The following ADGRF1 variants were observed in gnomAD, a reference collection of about 807,000 sequenced individuals.
ADGRF1 encodes the protein G protein-coupled receptor 110.
In ADGRF1, 85 loss-of-function variants were observed where a neutral mutation model predicts 87.2. The ratio of observed to expected loss-of-function variants is 0.97; its 90% CI spans 0.82 to 1.17. The LOEUF is 1.17. Among genes scored for constraint, ADGRF1 ranks in the 50% most tolerant of loss-of-function variants. The probability of loss-of-function intolerance (pLI) is 0.00; values close to 1 mark genes in which losing one functional copy is unlikely to be tolerated. For synonymous variants in ADGRF1, 430 were observed against 408.8 expected (o/e 1.05, Z -0.63); for missense variants, 1,169 against 1,077.2 (o/e 1.09, Z -1.19).
intron 9 of ADGRF1, chr6:47,013,390 A>T: frequency 1.0e-6 from 1 of 985,446 alleles, no homozygotes; most frequent in Non-Finnish European, 1.2e-6. Flanking sequence ...ACTGAGATCC[A>T]CAAAGGGAGA....
intron 7 of ADGRF1, chr6:47,018,863 G>A (rs1779956858): frequency 4.2e-6 from 1 of 237,574 alleles, no homozygotes; most frequent in African/African-American, 2.3e-5. Flanking sequence ...GGAGGCCAAG[G>A]TAGGAAGATC....
At chr6:47,015,188 A>C (rs1008158250) in intron 8 of ADGRF1, among the ~76,000 whole-genome samples, 1 of 152,244 alleles carries the variant, frequency 6.6e-6, no homozygotes, top group African/African-American at 2.4e-5. Context: ...TTAAAGGAAC[A>C]TTAGAAAGCC....
In ADGRF1 at chr6:47,010,216, T is replaced by C; in HGVS notation, c.1219A>G (p.Thr407Ala). 6.2e-7 allele frequency: 1 copy of C among 1,614,054 alleles called. No homozygotes were observed. Among genetic ancestry groups the C allele is most frequent in the Non-Finnish European group, 8.5e-7 (1 of 1,179,982 alleles). ...EKYASSRLLE[T>A]LENISTLVPP... ...ACCAGAGTGCTGATGTTTTCTAATG[T>C]CTCTAGTAACCGTGAGCTGGCATAC... The change falls in exon 11 of 15, where the codon ACA (threonine) becomes GCA (alanine). Residue 407 changes from threonine (T) to alanine (A), a missense_variant. Thr to Ala is a moderately conservative substitution (Grantham distance 58). Transcript: ENST00000371253.
chr6:47,011,698 G>A lies in ADGRF1; in HGVS notation c.1116+309C>T, dbSNP rs1408273140. On this transcript the variant is annotated intron_variant, in intron 10 of 14. Transcript: ENST00000371253. Reference sequence around the variant, plus strand: ...GTTCAAGTCTGAGCTTGCGGCCACAGGAAAGAAAAATTATAGATTGCAAAC... The same window carrying A: ...GTTCAAGTCTGAGCTTGCGGCCACAAGAAAGAAAAATTATAGATTGCAAAC... Among the ~76,000 whole-genome samples, 3 of 152,160 alleles carry A rather than the reference G, an allele frequency of 2.0e-5. No homozygotes were observed. In the East Asian group the frequency reaches 5.8e-4, roughly 29 times the overall value.
At chr6:47,019,273 C>T in intron 7 of ADGRF1, 5 of 958,480 alleles carry the variant, frequency 5.2e-6, no homozygotes, top group Non-Finnish European at 6.2e-6. Flanking sequence ...CTGTATAAAC[C>T]TCAATATAAA....
In ADGRF1 at chr6:47,020,564, C is replaced by T. The variant is rs1326495368; in HGVS notation, c.611+167G>A. ...AAGTGAGAATCTAGGCTTTACTCTT[C>T]AGACTTTTTAAAGCATCACAGATCC... On this transcript the variant is annotated intron_variant, in intron 7 of 14. Transcript: ENST00000371253. The T allele has an allele frequency of 3.3e-6, 5 of 1,509,466 alleles. No individual in the cohort carries two copies. In the Admixed American group the frequency reaches 9.4e-5, roughly 28 times the overall value. 93.5% of individuals were successfully genotyped at this position (1,509,466 alleles called of 1,614,324 possible).
At chr6:47,015,940 G>A (rs1474647164) in intron 8 of ADGRF1, among the ~76,000 whole-genome samples, 2 of 151,972 alleles carry the variant, frequency 1.3e-5, no homozygotes, top group African/African-American at 2.4e-5. Flanking sequence ...GTTTCACCAC[G>A]TTGGCCAAGC....
intron 4 of ADGRF1, among the ~76,000 whole-genome samples, 165 bp downstream of exon 4, chr6:47,025,689 C>G (rs991300617): frequency 2.6e-5 from 4 of 152,188 alleles, no homozygotes; most frequent in Non-Finnish European, 5.9e-5. Flanking sequence ...ATACAGCCCT[C>G]TGCCAATCTG....
intron 2 of ADGRF1, among the ~76,000 whole-genome samples, chr6:47,028,004 G>C (rs562321419): frequency 6.6e-6 from 1 of 152,132 alleles, no homozygotes; most frequent in Admixed American, 6.5e-5. Flanking sequence ...AGAGTGAGAG[G>C]AGAGGCACAG....
At position 46,999,583 on chromosome 6, in the gene ADGRF1, A is replaced by T. The variant is rs1329450809; in HGVS notation, c.*639T>A. 6.6e-6 allele frequency: 1 copy of T among 152,242 alleles called. No individual in the cohort carries two copies. The highest frequency in any genetic ancestry group is 2.4e-5 in the African/African-American group (1 of 41,446). 9.4% of individuals were successfully genotyped at this position (152,242 alleles called of 1,614,324 possible). A position where few individuals can be genotyped will look rare whatever the true frequency, so the allele number is the denominator to read the frequency against. ...AGATGGAAGTGCCTTGTAAACTGAA[A>T]AATACCACATTATATATCATATCAC... On this transcript the variant is annotated 3_prime_UTR_variant, in exon 15 of 15. Coordinates refer to ENST00000371253, the MANE Select transcript of ADGRF1 (RefSeq NM_153840.4).
At chr6:47,028,168 A>G (rs1350653023) in intron 2 of ADGRF1, among the ~76,000 whole-genome samples, 1 of 152,190 alleles carries the variant, frequency 6.6e-6, no homozygotes, top group Admixed American at 6.5e-5. Flanking sequence ...AGCAGGCTCA[A>G]TCCTGAAGCC....
chr6:47,010,339 T>C (rs1402522690), intron 10 of ADGRF1, 21 bp from the exon 11 acceptor site: 2 of 1,564,418 alleles, frequency 1.3e-6, no homozygotes, highest in Non-Finnish European at 1.7e-6. Context: ...AGGATGAGAG[T>C]CAGTTTGTGT....
At chr6:47,001,875 G>T (rs926335857) in intron 13 of ADGRF1, 9 of 212,858 alleles carry the variant, frequency 4.2e-5, no homozygotes, top group African/African-American at 7.1e-5. Context: ...CATTTCTTTG[G>T]ATCACATTTG....
intron 1 of ADGRF1, among the ~76,000 whole-genome samples, chr6:47,030,026 A>G (rs1742400088): frequency 6.6e-6 from 1 of 152,252 alleles, no homozygotes; most frequent in Non-Finnish European, 1.5e-5. Context: ...CTCCAGTGGA[A>G]TAAGTGTCCT....
intron 10 of ADGRF1, among the ~76,000 whole-genome samples, chr6:47,010,626 A>C (rs1779677982): frequency 1.3e-5 from 2 of 152,162 alleles, no homozygotes; most frequent in Non-Finnish European, 2.9e-5. Flanking sequence ...TGTGATGTGC[A>C]TTTCCTCCTC....
At chr6:47,001,610 CT>C in intron 13 of ADGRF1, 43 bp from the exon 14 acceptor site, 1 of 1,492,506 alleles carries the variant, frequency 6.7e-7, no homozygotes, top group Non-Finnish European at 9.3e-7. Context: ...TAATAGCATT[CT>C]TTTACTGTTG....
At chr6:47,031,269 CT>C (rs1289547858) in intron 1 of ADGRF1, among the ~76,000 whole-genome samples, 1 of 149,512 alleles carries the variant, frequency 6.7e-6, no homozygotes, top group African/African-American at 2.5e-5. Context: ...CTCTCTCTCT[CT>C]TCTCTCTCTC....
At chr6:47,008,162 C>A (rs528407062) in intron 11 of ADGRF1, among the ~76,000 whole-genome samples, 5 of 152,116 alleles carry the variant, frequency 3.3e-5, no homozygotes, top group Non-Finnish European at 5.9e-5. Context: ...TGAGCCCAGA[C>A]CTATTTAAGT....
chr6:47,014,932 A>G, intron 8 of ADGRF1, 88 bp from the exon 9 acceptor site: 7 of 1,409,562 alleles, frequency 5.0e-6, no homozygotes, highest in Non-Finnish European at 4.6e-6. Flanking sequence ...CAAATGTTTT[A>G]GAACTCATTT....
Sources: allele counts gnomAD v4.1 joint callset (sites outside exome capture counted in the v4.1 genomes callset), GRCh38; gene constraint gnomAD v4.1.1; transcripts MANE v1.5; gene names NCBI Gene and HGNC (gene_info 2026-07-23, HGNC 2026-07-21).